PTPRD: variants seen among roughly 807,000 people sequenced by gnomAD.
PTPRD encodes receptor-type tyrosine-protein phosphatase delta.
PTPRD carries 34 observed loss-of-function variants against 214.5 expected under a neutral mutation model. The ratio of observed to expected loss-of-function variants is 0.16; its 90% CI spans 0.12 to 0.21. The LOEUF (loss-of-function observed/expected upper bound fraction) is 0.21. Among genes scored for constraint, PTPRD ranks in the 10% least tolerant of loss-of-function variants. The probability of loss-of-function intolerance (pLI) is 1.00; values close to 1 mark genes in which losing one functional copy is unlikely to be tolerated. For synonymous variants in PTPRD, 1,128 were observed against 845.7 expected (o/e 1.33, Z -5.79); for missense variants, 2,545 against 2,398.7 (o/e 1.06, Z -1.27).
intron 3 of PTPRD, among the ~76,000 whole-genome samples, chr9:10,277,896 T>C (rs553262664): frequency 1.3e-5 from 2 of 152,162 alleles, no homozygotes; most frequent in South Asian, 4.2e-4. Flanking sequence ...CGGTGGCTCA[T>C]GCCTGTAATC....
At chr9:10,106,520 C>T (rs185894929) in intron 3 of PTPRD, among the ~76,000 whole-genome samples, 190 of 150,876 alleles carry the variant, frequency 1.3e-3, no homozygotes, top group African/African-American at 4.3e-3. Flanking sequence ...GTGAAAGTGA[C>T]GGACACACAG....
intron 6 of PTPRD, among the ~76,000 whole-genome samples, chr9:9,747,244 C>G (rs1432239351): frequency 3.2e-5 from 2 of 62,772 alleles, no homozygotes; most frequent in Non-Finnish European, 6.4e-5. Flanking sequence ...TCAGGACTAT[C>G]AACAGCTTCT....
intron 8 of PTPRD, among the ~76,000 whole-genome samples, chr9:9,560,294 C>T (rs966188990): frequency 6.6e-6 from 1 of 152,180 alleles, no homozygotes; most frequent in African/African-American, 2.4e-5. Flanking sequence ...GCTTCTCATG[C>T]TCTATTTTCT....
intron 14 of PTPRD, among the ~76,000 whole-genome samples, chr9:8,612,823 T>C (rs1268128512): frequency 6.6e-6 from 1 of 152,220 alleles, no homozygotes; most frequent in Non-Finnish European, 1.5e-5. Context: ...TTCTTTTTTA[T>C]GCAAGACTAT....
chr9:9,667,399 T>C (rs748298664), intron 7 of PTPRD, among the ~76,000 whole-genome samples: 1 of 152,148 alleles, frequency 6.6e-6, no homozygotes, highest in Non-Finnish European at 1.5e-5. Context: ...CCTATGCGTA[T>C]TGTGATCACA....
chr9:10,298,873 T>G (rs537498297), intron 3 of PTPRD, among the ~76,000 whole-genome samples: 2 of 152,168 alleles, frequency 1.3e-5, no homozygotes, highest in East Asian at 3.9e-4. Flanking sequence ...ACCAGCTGTT[T>G]CTTGAAGGCA....
chr9:9,697,408 A>C (rs2097399161), intron 7 of PTPRD, among the ~76,000 whole-genome samples: 2 of 152,122 alleles, frequency 1.3e-5, no homozygotes, highest in South Asian at 4.1e-4. Flanking sequence ...TCTGGGAAAG[A>C]CTATTTCTCC....
chr9:10,155,854 T>A (rs987846882), intron 3 of PTPRD, among the ~76,000 whole-genome samples: 3 of 152,142 alleles, frequency 2.0e-5, no homozygotes, highest in Non-Finnish European at 4.4e-5. Flanking sequence ...TGCAAGTATA[T>A]CCTTGAGGAT....
chr9:9,685,151 C>T (rs993460323), intron 7 of PTPRD, among the ~76,000 whole-genome samples: 1 of 151,204 alleles, frequency 6.6e-6, no homozygotes, highest in Admixed American at 6.6e-5. Flanking sequence ...AAGTTGATTA[C>T]CATCCCTTCA....
intron 5 of PTPRD, among the ~76,000 whole-genome samples, chr9:9,898,780 C>T (rs1168794338): frequency 6.6e-6 from 1 of 152,036 alleles, no homozygotes; most frequent in African/African-American, 2.4e-5. Flanking sequence ...TAACTTTGGT[C>T]CTCTGACCTC....
intron 5 of PTPRD, among the ~76,000 whole-genome samples, chr9:9,937,063 TG>T (rs988948763): frequency 7.2e-5 from 11 of 151,892 alleles, no homozygotes; most frequent in African/African-American, 2.7e-4. Context: ...CATCACACTC[TG>T]GGGACTGTTG....
chr9:9,116,099 T>C (rs770501143), intron 10 of PTPRD, among the ~76,000 whole-genome samples: 36 of 152,110 alleles, frequency 2.4e-4, no homozygotes, highest in Non-Finnish European at 4.3e-4. Flanking sequence ...AAATGACCTA[T>C]TGGGTACTAT....
At chr9:8,575,011 G>A (rs1292419519) in intron 14 of PTPRD, among the ~76,000 whole-genome samples, 1 of 152,004 alleles carries the variant, frequency 6.6e-6, no homozygotes, top group African/African-American at 2.4e-5. Flanking sequence ...AAGATAATTT[G>A]GTCATCTATT....
In PTPRD at chr9:8,492,927, G is replaced by A. The variant is rs1426581166; in HGVS notation, c.2402C>T (p.Thr801Ile). 1 of 1,613,906 alleles carries A rather than the reference G, an allele frequency of 6.2e-7. No individual in the cohort carries two copies. Among genetic ancestry groups the A allele is most frequent in the Non-Finnish European group, 8.5e-7 (1 of 1,179,838 alleles). The change falls in exon 27 of 46, where the codon ACA becomes ATA. Residue 801 changes from threonine (T) to isoleucine (I), a missense_variant. Physicochemically the swap from Thr to Ile is moderately conservative, Grantham distance 89. Coordinates refer to ENST00000381196, the MANE Select transcript of PTPRD (RefSeq NM_002839.4). The stretch of plus-strand genomic sequence containing the variant: ...ACCATCTCCTTTGGTTGTGTAGGCT[G>A]TGACGGTGAGGGAGTAGGAAGTTTC... ...QPETSYSLTV[T>I]AYTTKGDGAR...
chr9:9,755,530 A>G (rs2098559567), intron 6 of PTPRD, among the ~76,000 whole-genome samples: 1 of 152,088 alleles, frequency 6.6e-6, no homozygotes, highest in Non-Finnish European at 1.5e-5. Context: ...AATCAGTTTT[A>G]TATTTTTCTA....
chr9:10,567,123 A>T (rs896444072), intron 2 of PTPRD, among the ~76,000 whole-genome samples: 4 of 152,078 alleles, frequency 2.6e-5, no homozygotes, highest in African/African-American at 9.7e-5. Context: ...GAGAGCCTAC[A>T]TATTGTCTCT....
rs2096446595 is a variant in PTPRD, at chr9:8,636,681, G to A, written c.210+18C>T. 1.9e-6 allele frequency: 3 copies of A among 1,612,732 alleles called. No individual in the cohort carries two copies. The highest frequency in any genetic ancestry group is 2.5e-6 in the Non-Finnish European group (3 of 1,178,926). On this transcript the variant is annotated intron_variant, in intron 13 of 45. Coordinates refer to ENST00000381196, the MANE Select transcript of PTPRD (RefSeq NM_002839.4). ...GATACATTCTTCCCCCAGAGAAACA[G>A]AACAATGGACCTAATACCTCAAATC...
chr9:9,788,635 G>C (rs540399566), intron 5 of PTPRD, among the ~76,000 whole-genome samples: 2 of 150,984 alleles, frequency 1.3e-5, no homozygotes, highest in South Asian at 4.2e-4. Flanking sequence ...AAATCCCGTA[G>C]ACACAGTATA....
intron 11 of PTPRD, among the ~76,000 whole-genome samples, chr9:8,895,902 T>C (rs968740983): frequency 6.6e-6 from 1 of 152,232 alleles, no homozygotes; most frequent in African/African-American, 2.4e-5. Flanking sequence ...ATAGCACTTG[T>C]TAATTCCGAG....
Sources: gnomAD v4.1 joint callset for allele counts (sites outside exome capture counted in the v4.1 genomes callset) on GRCh38, gnomAD v4.1.1 for gene constraint, MANE v1.5 for transcripts, NCBI Gene and HGNC (gene_info 2026-07-23, HGNC 2026-07-21) for gene names.